CYP39A1: variants seen among roughly 807,000 people sequenced by gnomAD.
CYP39A1 encodes cytochrome P450 family 39 subfamily A member 1, also known as 24-hydroxycholesterol 7-alpha-hydroxylase.
A neutral mutation model predicts 58.1 loss-of-function variants in CYP39A1; 49 were observed. That is an observed-to-expected ratio of 0.84 (90% CI 0.67 to 1.07). The LOEUF (loss-of-function observed/expected upper bound fraction) is 1.07, where lower values mean the gene tolerates loss of function less well. Ranked by LOEUF, CYP39A1 falls within the 50% of genes least tolerant of loss-of-function variation. The pLI, the probability that CYP39A1 is intolerant of heterozygous loss-of-function variation, is 0.00. For synonymous variants in CYP39A1, 209 were observed against 187.6 expected (o/e 1.11, Z -0.93); for missense variants, 531 against 539.4 (o/e 0.98, Z 0.16).
At chr6:46,568,739 T>C (rs570472701) in intron 10 of CYP39A1, among the ~76,000 whole-genome samples, 41 of 152,224 alleles carry the variant, frequency 2.7e-4, no homozygotes, top group African/African-American at 9.1e-4. Flanking sequence ...TTCTATTGTA[T>C]TGGTCTACAT....
intron 5 of CYP39A1, 28 bp from the exon 6 acceptor site, chr6:46,631,098 A>C (rs1366329965): frequency 1.3e-6 from 2 of 1,491,134 alleles, no homozygotes; most frequent in Non-Finnish European, 1.9e-6. Context: ...ACATTGCCAA[A>C]CCATGGCTAT....
At chr6:46,561,511 G>C (rs1320428883) in intron 10 of CYP39A1, among the ~76,000 whole-genome samples, 1 of 151,948 alleles carries the variant, frequency 6.6e-6, no homozygotes, top group Non-Finnish European at 1.5e-5. Context: ...TAGTATCTAG[G>C]GACCTGCAAG....
At chr6:46,625,543 T>A in intron 6 of CYP39A1, 35 bp from the exon 7 acceptor site, 1 of 1,507,614 alleles carries the variant, frequency 6.6e-7, no homozygotes, top group East Asian at 2.3e-5. Context: ...AAATATGAAC[T>A]TCTTTGAAGG....
intron 8 of CYP39A1, among the ~76,000 whole-genome samples, chr6:46,594,925 A>T (rs1382349279): frequency 2.0e-5 from 3 of 152,028 alleles, no homozygotes; most frequent in Non-Finnish European, 4.4e-5. Flanking sequence ...AGAGGTTAAT[A>T]TCCAAAATAT....
intron 6 of CYP39A1, among the ~76,000 whole-genome samples, chr6:46,627,003 G>A (rs1463281917): frequency 1.3e-5 from 2 of 152,144 alleles, no homozygotes; most frequent in African/African-American, 4.8e-5. Context: ...GTTCTGCATG[G>A]GTGGGGAGGC....
At chr6:46,614,405 A>C (rs908363069) in intron 7 of CYP39A1, among the ~76,000 whole-genome samples, 1 of 152,228 alleles carries the variant, frequency 6.6e-6, no homozygotes, top group Admixed American at 6.5e-5. Context: ...CCGAGTTTCC[A>C]TCACACAAGA....
At chr6:46,560,529 G>C (rs1012988312) in intron 10 of CYP39A1, among the ~76,000 whole-genome samples, 1 of 152,166 alleles carries the variant, frequency 6.6e-6, no homozygotes, top group Admixed American at 6.5e-5. Flanking sequence ...GAAGGAAGAG[G>C]AGGTTGAGGG....
Position 46,615,596 on chromosome 6 carries a change from T to A in CYP39A1, c.931+9822A>T, listed in dbSNP as rs148225642. ...AAATGCTCATCCTCTTTTTTTTATT[T>A]AAAAATCCACGCATTGAGAGTTGAA... On this transcript the variant is annotated intron_variant, in intron 7 of 11. Coordinates refer to ENST00000275016, the MANE Select transcript of CYP39A1 (RefSeq NM_016593.5). Among the ~76,000 whole-genome samples the A allele has an allele frequency of 6.3e-3, 953 of 152,268 alleles. 9 individuals are homozygous for A. Among genetic ancestry groups the A allele is most frequent in the African/African-American group, 0.021 (883 of 41,572 alleles).
In CYP39A1 at chr6:46,588,133, T is replaced by A; in HGVS notation, c.1066-4A>T. ...CACCAGAAGGAATGATGTAATTCTATAACAGAAAAATCAGCTGCAAATCAT... is the reference window on the plus strand; with the variant it reads ...CACCAGAAGGAATGATGTAATTCTAAAACAGAAAAATCAGCTGCAAATCAT... On this transcript the variant is annotated splice_region_variant and splice_polypyrimidine_tract_variant and intron_variant, in intron 8 of 11. Coordinates refer to ENST00000275016, the MANE Select transcript of CYP39A1 (RefSeq NM_016593.5). The A allele has an allele frequency of 6.4e-7, 1 of 1,558,580 alleles. No individual in the cohort carries two copies. Among genetic ancestry groups the A allele is most frequent in the African/African-American group, 1.4e-5 (1 of 73,092 alleles).
chr6:46,550,419 C>T lies in CYP39A1; in HGVS notation c.1357G>A (p.Gly453Ser), dbSNP rs1309030678. The T allele has an allele frequency of 1.2e-6, 2 of 1,610,880 alleles. No individual in the cohort carries two copies. Among genetic ancestry groups the T allele is most frequent in the Non-Finnish European group, 8.5e-7 (1 of 1,178,596 alleles). Residue 453 changes from glycine to serine, a missense_variant, in exon 12 of 12, where the codon GGT (glycine) becomes AGT (serine). Transcript: ENST00000275016. Reference protein sequence around the residue: ...LPKQSYLHLVGVPQPEGQCRI... With the variant: ...LPKQSYLHLVSVPQPEGQCRI... The stretch of plus-strand genomic sequence containing the variant: ...CATTGCCCTTCCGGCTGGGGGACAC[C>T]CACCAAATGGAGATAACTCTAAAAA...
Position 46,576,676 on chromosome 6 carries a change from G to A in CYP39A1, c.1250+10401C>T, listed in dbSNP as rs193219859. Among the ~76,000 whole-genome samples the A allele has an allele frequency of 9.1e-4, 138 of 152,276 alleles. 1 individual carries two copies. The highest frequency in any genetic ancestry group is 1.9e-4 in the East Asian group (1 of 5,188). Reference sequence around the variant, plus strand: ...CTGAATTTCTGGAAATGAGAAATTCGCCACAGGAATTTCAGAATGCAACTG... The same window carrying A: ...CTGAATTTCTGGAAATGAGAAATTCACCACAGGAATTTCAGAATGCAACTG... On this transcript the variant is annotated intron_variant, in intron 10 of 11. Transcript: ENST00000275016.
intron 5 of CYP39A1, among the ~76,000 whole-genome samples, chr6:46,635,776 T>C (rs897220384): frequency 1.3e-5 from 2 of 152,094 alleles, no homozygotes; most frequent in Non-Finnish European, 2.9e-5. Context: ...TTGCCCAGGT[T>C]GGTCTCGAAC....
Position 46,617,248 on chromosome 6 carries a change from T to G in CYP39A1, c.931+8170A>C, listed in dbSNP as rs907393957. Reference sequence around the variant, plus strand: ...GTGAATGGCTTAGAAAATGTTTTTCTCTAATCTATAAGTTTACTTATATGT... The same window carrying G: ...GTGAATGGCTTAGAAAATGTTTTTCGCTAATCTATAAGTTTACTTATATGT... On this transcript the variant is annotated intron_variant, in intron 7 of 11. Transcript: ENST00000275016. 3.1e-4 allele frequency among the ~76,000 whole-genome samples: 47 copies of G among 152,318 alleles called. 1 individual carries two copies. The highest frequency in any genetic ancestry group is 1.1e-3 in the African/African-American group (44 of 41,576).
intron 7 of CYP39A1, among the ~76,000 whole-genome samples, chr6:46,598,390 A>T (rs761314891): frequency 6.6e-6 from 1 of 152,166 alleles, no homozygotes; most frequent in African/African-American, 2.4e-5. Context: ...ATGTCTGAAG[A>T]TTACTAGCAC....
At chr6:46,627,261 C>T (rs1234590850) in intron 6 of CYP39A1, among the ~76,000 whole-genome samples, 2 of 152,064 alleles carry the variant, frequency 1.3e-5, no homozygotes. Flanking sequence ...TACACAGAGC[C>T]AAGCCATATT....
chr6:46,650,556 T>A (rs536015090), intron 1 of CYP39A1, among the ~76,000 whole-genome samples: 1 of 129,788 alleles, frequency 7.7e-6, no homozygotes, highest in East Asian at 2.6e-4. Context: ...CAGGCTCGAG[T>A]GCAGTGGCTC....
chr6:46,555,331 C>T (rs758205176), intron 10 of CYP39A1, among the ~76,000 whole-genome samples: 6 of 152,194 alleles, frequency 3.9e-5, no homozygotes, highest in Non-Finnish European at 7.3e-5. Flanking sequence ...CACATGGTTC[C>T]CTGGTCACAT....
In CYP39A1 at chr6:46,652,769, C is replaced by G; in HGVS notation, c.-187G>C. ...TTCAGGTGATTTTTCCATTGTCGCTCCCTCCCACCTCCACTTCTCTTTGAA... is the reference window on the plus strand; with the variant it reads ...TTCAGGTGATTTTTCCATTGTCGCTGCCTCCCACCTCCACTTCTCTTTGAA... On this transcript the variant is annotated 5_prime_UTR_variant, in exon 1 of 12. Coordinates refer to ENST00000275016, the MANE Select transcript of CYP39A1 (RefSeq NM_016593.5). The G allele has an allele frequency of 1.9e-6, 1 of 531,576 alleles. No homozygotes were observed. The highest frequency in any genetic ancestry group is 3.2e-6 in the Non-Finnish European group (1 of 310,832). The allele number at this position is 531,576 out of a possible 1,614,324, so 32.9% of individuals were successfully genotyped here.
intron 7 of CYP39A1, among the ~76,000 whole-genome samples, chr6:46,620,595 C>T (rs1038315786): frequency 1.3e-5 from 2 of 152,032 alleles, no homozygotes; most frequent in Non-Finnish European, 2.9e-5. Context: ...ATCCATTTGC[C>T]CAGGGCTTTA....
Sources: gnomAD v4.1 joint callset for allele counts (sites outside exome capture counted in the v4.1 genomes callset) on GRCh38, gnomAD v4.1.1 for gene constraint, MANE v1.5 for transcripts, NCBI Gene and HGNC (gene_info 2026-07-23, HGNC 2026-07-21) for gene names.